Variants in MED27 observed in about 807,000 individuals in gnomAD.
MED27 encodes the protein mediator complex subunit 27, also known as mediator of RNA polymerase II transcription subunit 27.
MED27 carries 30 observed loss-of-function variants against 38.2 expected under a neutral mutation model. The observed-to-expected ratio is 0.79, with a 90% CI of 0.59 to 1.07. The LOEUF (loss-of-function observed/expected upper bound fraction) is 1.07, where lower values mean the gene tolerates loss of function less well. MED27 is among the 50% of genes least tolerant of loss of function. The pLI is 0.00. For synonymous variants in MED27, 122 were observed against 153.5 expected, an observed-to-expected ratio of 0.79 and a Z score of 1.52; for missense variants, 289 against 397.5, an observed-to-expected ratio of 0.73 and a Z score of 2.32.
intron 2 of MED27, among the ~76,000 whole-genome samples, chr9:132,032,570 C>T (rs533451509): frequency 6.6e-6 from 1 of 152,152 alleles, no homozygotes; most frequent in African/African-American, 2.4e-5. Context: ...ATAAGAGGAA[C>T]AAGAAGACAC....
intron 2 of MED27, among the ~76,000 whole-genome samples, chr9:132,057,954 T>C (rs573299349): frequency 1.3e-5 from 2 of 152,084 alleles, no homozygotes; most frequent in African/African-American, 4.8e-5. Flanking sequence ...CTGGACAATA[T>C]AGTAAAACCT....
intron 1 of MED27, 65 bp from the exon 2 acceptor site, chr9:132,077,651 C>T: frequency 1.3e-6 from 2 of 1,559,562 alleles, no homozygotes; most frequent in Non-Finnish European, 1.7e-6. Flanking sequence ...AAAGCCAGCC[C>T]CCAGGATCAA....
At chr9:131,910,015 T>C (rs542319396) in intron 4 of MED27, among the ~76,000 whole-genome samples, 4 of 152,328 alleles carry the variant, frequency 2.6e-5, no homozygotes, top group Non-Finnish European at 5.9e-5. Flanking sequence ...AAGGCTTTTA[T>C]AAGATTTGAA....
chr9:131,863,143 G>A lies in MED27; in HGVS notation c.724-3C>T. 6.2e-7 allele frequency: 1 copy of A among 1,613,938 alleles called. No homozygotes were observed. The highest frequency in any genetic ancestry group is 8.5e-7 in the Non-Finnish European group (1 of 1,179,824). ...GCAGTGGTGGCATGGTCTGTCACCT[G>A]AGAGTGAAGGACAAAGACGAGTTAG... On this transcript the variant is annotated splice_region_variant and splice_polypyrimidine_tract_variant and intron_variant, in intron 6 of 7. Coordinates refer to ENST00000292035, the MANE Select transcript of MED27 (RefSeq NM_004269.4).
At chr9:132,025,587 A>G (rs1246713490) in intron 2 of MED27, among the ~76,000 whole-genome samples, 1 of 152,240 alleles carries the variant, frequency 6.6e-6, no homozygotes, top group Non-Finnish European at 1.5e-5. Flanking sequence ...TGGATATACA[A>G]CAGAGGCCCT....
At chr9:132,027,414 C>T (rs539674286) in intron 2 of MED27, among the ~76,000 whole-genome samples, 172 of 152,342 alleles carry the variant, frequency 1.1e-3, no homozygotes, top group Middle Eastern at 6.8e-3. Flanking sequence ...TCCAACTCCA[C>T]CACAATCAAC....
intron 3 of MED27, among the ~76,000 whole-genome samples, chr9:132,009,211 A>G (rs1486248302): frequency 6.6e-6 from 1 of 152,212 alleles, no homozygotes; most frequent in African/African-American, 2.4e-5. Flanking sequence ...GTAGGCCCTG[A>G]GTAAATATTT....
At chr9:131,922,190 AAAT>A (rs1173689877) in intron 4 of MED27, among the ~76,000 whole-genome samples, 1 of 151,736 alleles carries the variant, frequency 6.6e-6, no homozygotes, top group African/African-American at 2.4e-5. Flanking sequence ...AAATAAAATA[AAAT>A]AATAAAAATA....
At chr9:132,014,114 G>A (rs577484677) in intron 3 of MED27, among the ~76,000 whole-genome samples, 1 of 151,678 alleles carries the variant, frequency 6.6e-6, no homozygotes, top group East Asian at 1.9e-4. Flanking sequence ...GCTGAGACAC[G>A]AGAATTGCTT....
At position 131,921,552 on chromosome 9, in the gene MED27, T is replaced by C. The variant is rs569721541; in HGVS notation, c.573+17829A>G. 5.3e-5 allele frequency among the ~76,000 whole-genome samples: 8 copies of C among 152,284 alleles called. No individual in the cohort carries two copies. The East Asian group carries it at 5.8e-4, about 11-fold the overall frequency. ...AGGTGCTGGAGAGAATGTGGAGAAATAGGAACACTTTTACACTGTTGGTGG... is the reference window on the plus strand; with the variant it reads ...AGGTGCTGGAGAGAATGTGGAGAAACAGGAACACTTTTACACTGTTGGTGG... On this transcript the variant is annotated intron_variant, in intron 4 of 7. Coordinates refer to ENST00000292035, the MANE Select transcript of MED27 (RefSeq NM_004269.4).
At position 131,905,327 on chromosome 9, in the gene MED27, C is replaced by T. The variant is rs141148235; in HGVS notation, c.574-11335G>A. ...CCTAACAGATGTGAAGAGGAATCCTCGACAGCACACGTCCTTTATCTGTAC... is the reference window on the plus strand; with the variant it reads ...CCTAACAGATGTGAAGAGGAATCCTTGACAGCACACGTCCTTTATCTGTAC... On this transcript the variant is annotated intron_variant, in intron 4 of 7. Transcript: ENST00000292035. 1.8e-4 allele frequency among the ~76,000 whole-genome samples: 27 copies of T among 152,304 alleles called. No homozygotes were observed. The East Asian group carries it at 4.4e-3, about 25-fold the overall frequency.
chr9:132,001,850 G>A (rs1057484340), intron 3 of MED27, among the ~76,000 whole-genome samples: 8 of 152,188 alleles, frequency 5.3e-5, no homozygotes, highest in African/African-American at 1.9e-4. Flanking sequence ...ACCCCTTCTG[G>A]AGCAGTGGTT....
At chr9:131,941,837 T>G (rs2130971021) in intron 3 of MED27, among the ~76,000 whole-genome samples, 1 of 139,704 alleles carries the variant, frequency 7.2e-6, no homozygotes, top group African/African-American at 2.7e-5. Context: ...TTTTTTTTTT[T>G]TTTTTTGAGA....
chr9:131,965,427 T>C (rs940879959), intron 3 of MED27, among the ~76,000 whole-genome samples: 3 of 152,252 alleles, frequency 2.0e-5, no homozygotes, highest in Admixed American at 2.0e-4. Context: ...TTATCAGAGA[T>C]GATTTGGGGG....
At chr9:131,946,418 G>C (rs1360941246) in intron 3 of MED27, among the ~76,000 whole-genome samples, 1 of 152,062 alleles carries the variant, frequency 6.6e-6, no homozygotes, top group Non-Finnish European at 1.5e-5. Flanking sequence ...CGTATCTTTT[G>C]TGTCTGTTTT....
At chr9:131,890,092 C>T (rs917507930) in intron 5 of MED27, among the ~76,000 whole-genome samples, 1 of 152,122 alleles carries the variant, frequency 6.6e-6, no homozygotes, top group Non-Finnish European at 1.5e-5. Context: ...AAATAAAGTA[C>T]ACACACACAG....
intron 4 of MED27, among the ~76,000 whole-genome samples, chr9:131,908,493 G>A (rs1325363282): frequency 6.6e-6 from 1 of 152,056 alleles, no homozygotes; most frequent in Non-Finnish European, 1.5e-5. Flanking sequence ...TGTGTAGAAA[G>A]AAGTAGACAT....
chr9:131,864,099 A>C (rs1838696720), intron 6 of MED27, among the ~76,000 whole-genome samples: 1 of 152,176 alleles, frequency 6.6e-6, no homozygotes, highest in African/African-American at 2.4e-5. Context: ...ATATGAGTAG[A>C]TTATACCTAA....
In MED27 at chr9:131,860,799, T is replaced by A; in HGVS notation, c.802-127A>T. 5 of 1,057,468 alleles carry A rather than the reference T, an allele frequency of 4.7e-6. No homozygotes were observed. The highest frequency in any genetic ancestry group is 6.9e-6 in the Non-Finnish European group (5 of 727,664). 65.5% of individuals were successfully genotyped at this position (1,057,468 alleles called of 1,614,324 possible). Reference sequence around the variant, plus strand: ...TTGGCCCCAGAAGATGCCCTGTGATTTCACAGGGAGCAGCAGGCGGAACCC... The same window carrying A: ...TTGGCCCCAGAAGATGCCCTGTGATATCACAGGGAGCAGCAGGCGGAACCC... On this transcript the variant is annotated intron_variant, in intron 7 of 7. Coordinates refer to ENST00000292035, the MANE Select transcript of MED27 (RefSeq NM_004269.4). This position sits in a 1 kb window ranked among gnomAD's most constrained non-coding sequence, Gnocchi z 5.8.
Sources: allele counts gnomAD v4.1 joint callset (sites outside exome capture counted in the v4.1 genomes callset), GRCh38; gene constraint gnomAD v4.1.1; non-coding constraint Gnocchi (gnomAD v3.1); transcripts MANE v1.5; gene names NCBI Gene and HGNC (gene_info 2026-07-23, HGNC 2026-07-21).